The following LRRC37A2 variants were observed in gnomAD, a reference collection of about 807,000 sequenced individuals.
The protein encoded by LRRC37A2 is leucine rich repeat containing 37 member A2, also known as leucine-rich repeat-containing protein 37A2.
A neutral mutation model predicts 68.8 loss-of-function variants in LRRC37A2; 9 were observed. The observed-to-expected ratio is 0.13, with a 90% CI of 0.08 to 0.23. The LOEUF (loss-of-function observed/expected upper bound fraction) is 0.23, where lower values mean the gene tolerates loss of function less well. LRRC37A2 is among the 10% of genes least tolerant of loss of function. The pLI is 1.00. For synonymous variants in LRRC37A2, 63 were observed against 367.6 expected (o/e 0.17, Z 9.48); for missense variants, 168 against 950.4 (o/e 0.18, Z 10.82).
the LRRC37A2 span, among the ~76,000 whole-genome samples, chr17:46,759,659 A>G: frequency 3.3e-5 from 5 of 152,194 alleles, no homozygotes; most frequent in African/African-American, 4.8e-5. Flanking sequence ...CCCTATGCCC[A>G]GGGCCACCAG....
chr17:46,743,924 C>T, the LRRC37A2 span, among the ~76,000 whole-genome samples: 2 of 152,184 alleles, frequency 1.3e-5, no homozygotes, highest in Non-Finnish European at 2.9e-5. Context: ...CGTTTTCAGC[C>T]TTGGTGCTCT....
chr17:46,934,068 G>C, the LRRC37A2 span, among the ~76,000 whole-genome samples: 1 of 152,194 alleles, frequency 6.6e-6, no homozygotes, highest in Admixed American at 6.5e-5. Context: ...TCCACTTTCA[G>C]AGCAAAAGTA....
At chr17:47,001,791 G>A in the LRRC37A2 span, among the ~76,000 whole-genome samples, 4 of 139,398 alleles carry the variant, frequency 2.9e-5, no homozygotes, top group South Asian at 4.5e-4. Flanking sequence ...GTGAGATCTC[G>A]GCTCACTGCA....
At chr17:46,735,451 A>G in the LRRC37A2 span, among the ~76,000 whole-genome samples, 2 of 151,262 alleles carry the variant, frequency 1.3e-5, no homozygotes, top group Non-Finnish European at 2.9e-5. Context: ...TACTCTTTGT[A>G]TTGAACTTGA....
At chr17:46,936,839 A>G in the LRRC37A2 span, 43 of 984,822 alleles carry the variant, frequency 4.4e-5, no homozygotes, top group African/African-American at 2.8e-4. Context: ...TTGACTTGTA[A>G]TTTCTCTGGC....
At chr17:46,924,382 T>C in the LRRC37A2 span, 1 of 152,294 alleles carries the variant, frequency 6.6e-6, no homozygotes, top group African/African-American at 2.4e-5. Context: ...ACTTGAGTTG[T>C]TTCCACCATT....
chr17:46,932,352 C>A, the LRRC37A2 span: 3 of 819,310 alleles, frequency 3.7e-6, no homozygotes, highest in Non-Finnish European at 4.1e-6. Context: ...TGCATTGCCA[C>A]AGAGACTAGA....
chr17:46,735,654 A>G, the LRRC37A2 span, among the ~76,000 whole-genome samples: 1 of 152,140 alleles, frequency 6.6e-6, no homozygotes, highest in East Asian at 1.9e-4. Context: ...CTGGTGGACT[A>G]CATGAGCTGT....
At chr17:46,924,211 A>T in the LRRC37A2 span, 2 of 209,200 alleles carry the variant, frequency 9.6e-6, no homozygotes, top group African/African-American at 4.6e-5. Flanking sequence ...AAGTGGAGTC[A>T]TACAGAATTT....
the LRRC37A2 span, among the ~76,000 whole-genome samples, chr17:46,731,180 C>T: frequency 1.3e-5 from 2 of 152,016 alleles, no homozygotes; most frequent in African/African-American, 4.8e-5. Flanking sequence ...AGTACCATTA[C>T]ATACTACAAC....
the LRRC37A2 span, among the ~76,000 whole-genome samples, chr17:46,887,156 A>G: frequency 4.1e-4 from 62 of 152,294 alleles, no homozygotes; most frequent in Non-Finnish European, 6.2e-4. Flanking sequence ...GTCATGGTAA[A>G]ATGAGGTCAG....
At chr17:46,573,867 A>G in the LRRC37A2 span, among the ~76,000 whole-genome samples, 1 of 73,454 alleles carries the variant, frequency 1.4e-5, no homozygotes, top group Non-Finnish European at 3.5e-5. Flanking sequence ...TGCCCGGCCT[A>G]TTTATTTATT....
At chr17:46,728,846 C>T in the LRRC37A2 span, 1 of 1,577,938 alleles carries the variant, frequency 6.3e-7, no homozygotes, top group Non-Finnish European at 8.6e-7. Context: ...AATAATGTTT[C>T]TTTTCCAGAT....
the LRRC37A2 span, among the ~76,000 whole-genome samples, chr17:46,453,850 G>A: frequency 7.7e-4 from 18 of 23,244 alleles, 1 homozygote; most frequent in Non-Finnish European, 9.7e-4. Context: ...TCACATGTCA[G>A]TGTATATTTT....
chr17:46,919,933 C>G, the LRRC37A2 span, among the ~76,000 whole-genome samples: 5 of 151,694 alleles, frequency 3.3e-5, no homozygotes, highest in African/African-American at 4.8e-5. Flanking sequence ...AGCAACAGAG[C>G]GAGACTCCAT....
chr17:47,036,840 T>C, the LRRC37A2 span, among the ~76,000 whole-genome samples: 1 of 148,212 alleles, frequency 6.7e-6, no homozygotes, highest in Non-Finnish European at 1.5e-5. Flanking sequence ...CATTATAATT[T>C]TAGAACTAGC....
the LRRC37A2 span, among the ~76,000 whole-genome samples, chr17:46,724,238 A>G: frequency 6.6e-6 from 1 of 152,238 alleles, no homozygotes; most frequent in Non-Finnish European, 1.5e-5. Context: ...CCCTAAGTCC[A>G]TTTAAGAGTC....
chr17:46,823,067 T>C, the LRRC37A2 span, among the ~76,000 whole-genome samples: 1 of 138,058 alleles, frequency 7.2e-6, no homozygotes, highest in African/African-American at 2.7e-5. Flanking sequence ...GTATTTATAA[T>C]AAATATGTAT....
At chr17:47,020,153 T>G in the LRRC37A2 span, among the ~76,000 whole-genome samples, 1 of 150,932 alleles carries the variant, frequency 6.6e-6, no homozygotes, top group Non-Finnish European at 1.5e-5. Context: ...AAGAGTTGAT[T>G]CCAGAGCCAG....
Sources: allele counts gnomAD v4.1 joint callset (sites outside exome capture counted in the v4.1 genomes callset), GRCh38; gene constraint gnomAD v4.1.1; transcripts MANE v1.5; gene names NCBI Gene and HGNC (gene_info 2026-07-23, HGNC 2026-07-21).